SORL1: variants seen among roughly 807,000 people sequenced by gnomAD.
SORL1 encodes sortilin-related receptor.
A neutral mutation model predicts 273.7 loss-of-function variants in SORL1; 127 were observed. That is an observed-to-expected ratio of 0.46 (90% CI 0.40 to 0.54). SORL1 has a LOEUF of 0.54. SORL1 is among the 20% of genes least tolerant of loss of function. The pLI is 0.00. For missense variants in SORL1, 2,494 were observed against 2,846.1 expected (o/e 0.88, Z 2.81); for synonymous variants, 1,031 against 1,067.4 (o/e 0.97, Z 0.66).
intron 12 of SORL1, 62 bp from the exon 13 acceptor site, chr11:121,543,486 G>A: frequency 7.1e-7 from 1 of 1,412,920 alleles, no homozygotes; most frequent in Non-Finnish European, 9.8e-7. Flanking sequence ...ATGTTATATG[G>A]AAACCAAGCC....
intron 11 of SORL1, among the ~76,000 whole-genome samples, chr11:121,528,006 T>C (rs1412446048): frequency 6.6e-6 from 1 of 152,208 alleles, no homozygotes; most frequent in Non-Finnish European, 1.5e-5. Flanking sequence ...TTGTTCTTTT[T>C]GTAGCTTATT....
In SORL1 at chr11:121,543,677, G is replaced by C. The variant is rs866192032; in HGVS notation, c.1815G>C (p.Glu605Asp). The change falls in exon 13 of 48, where the codon GAG becomes GAC. Residue 605 changes from glutamate (E) to aspartate (D), a missense_variant. Physicochemically the swap from Glu to Asp is conservative, Grantham distance 45. Around this residue, in one of 3 missense-constraint regions of SORL1, gnomAD observed 710 missense variants for 882.5 expected, o/e 0.80. Transcript: ENST00000260197. Reference sequence around the variant, plus strand: ...TCACCATCTTTGGCTCGAACAAAGAGAATGTCCACAGCTGGCTGATCCTCC... The same window carrying C: ...TCACCATCTTTGGCTCGAACAAAGACAATGTCCACAGCTGGCTGATCCTCC... ...TVFTIFGSNK[E>D]NVHSWLILQV... The C allele has an allele frequency of 6.8e-6, 11 of 1,614,126 alleles. No individual in the cohort carries two copies. Among genetic ancestry groups the C allele is most frequent in the Non-Finnish European group, 9.3e-6 (11 of 1,180,000 alleles).
chr11:121,510,203 G>C (rs1424050984), intron 6 of SORL1, among the ~76,000 whole-genome samples: 1 of 150,944 alleles, frequency 6.6e-6, no homozygotes, highest in African/African-American at 2.5e-5. Flanking sequence ...AAAAAGTTAA[G>C]TAATACAACA....
intron 12 of SORL1, 150 bp from the exon 13 acceptor site, chr11:121,543,398 A>G: frequency 1.6e-6 from 1 of 625,282 alleles, no homozygotes; most frequent in Non-Finnish European, 2.8e-6. Context: ...TTTATTTCTG[A>G]GCATTTCCTT....
intron 23 of SORL1, among the ~76,000 whole-genome samples, chr11:121,570,535 C>T (rs545357669): frequency 1.3e-5 from 2 of 152,324 alleles, no homozygotes; most frequent in East Asian, 3.9e-4. Context: ...ATAAACGTCA[C>T]ATGGCTGAAA....
intron 12 of SORL1, among the ~76,000 whole-genome samples, chr11:121,537,565 G>C (rs1288468887): frequency 6.6e-6 from 1 of 152,200 alleles, no homozygotes; most frequent in Non-Finnish European, 1.5e-5. Flanking sequence ...AAGGGGCGAT[G>C]TCCAGCAGGA....
chr11:121,604,753 G>A (rs902995143), intron 33 of SORL1, among the ~76,000 whole-genome samples: 1 of 152,132 alleles, frequency 6.6e-6, no homozygotes, highest in South Asian at 2.1e-4. Context: ...GAAATTCGAG[G>A]GAAAATATCA....
rs141639402 is a variant in SORL1 at position 121,605,531 on chromosome 11, C to T, written c.4908C>T (p.His1636=). 2.5e-6 allele frequency: 4 copies of T among 1,614,020 alleles called. No individual in the cohort carries two copies. In the African/African-American group the frequency reaches 5.3e-5, roughly 22 times the overall value. Residue 1636 remains histidine (H), a synonymous_variant, in exon 35 of 48, where the codon CAC becomes CAT. Coordinates refer to ENST00000260197, the MANE Select transcript of SORL1 (RefSeq NM_003105.6). ...AGGTTCAGTGTCTCAGCAAGGCACACAACACCAATGACTTTGTGACCCTGA... is the reference window on the plus strand; with the variant it reads ...AGGTTCAGTGTCTCAGCAAGGCACATAACACCAATGACTTTGTGACCCTGA... ...KVQVQCLSKA[H]NTNDFVTLRT...
chr11:121,621,504 A>C (rs1005590855), intron 44 of SORL1, among the ~76,000 whole-genome samples: 1 of 152,164 alleles, frequency 6.6e-6, no homozygotes, highest in Non-Finnish European at 1.5e-5. Context: ...TTTTGATATT[A>C]CTAAAGGAAA....
chr11:121,492,416 A>G (rs1388088188), intron 5 of SORL1, among the ~76,000 whole-genome samples: 1 of 152,160 alleles, frequency 6.6e-6, no homozygotes, highest in Non-Finnish European at 1.5e-5. Context: ...TGAATGAATA[A>G]AAATAAAATT....
At chr11:121,585,261 A>G (rs1326579332) in intron 26 of SORL1, among the ~76,000 whole-genome samples, 1 of 152,142 alleles carries the variant, frequency 6.6e-6, no homozygotes. Flanking sequence ...AGGCGGGAGG[A>G]TGGCTTGAGC....
chr11:121,562,659 G>T (rs958614834), intron 21 of SORL1, among the ~76,000 whole-genome samples: 2 of 152,072 alleles, frequency 1.3e-5, no homozygotes, highest in African/African-American at 4.8e-5. Flanking sequence ...ACTTCATGAT[G>T]ACCCTACACC....
chr11:121,490,178 G>T, intron 5 of SORL1, 68 bp downstream of exon 5: 1 of 1,055,718 alleles, frequency 9.5e-7, no homozygotes, highest in South Asian at 1.3e-5. Flanking sequence ...CTCCTTCTTG[G>T]TGGACAAACT....
Position 121,558,592 on chromosome 11 carries a change from G to T in SORL1, c.2665G>T (p.Val889Leu), listed in dbSNP as rs749966000. The T allele has an allele frequency of 1.2e-6, 2 of 1,614,118 alleles. No homozygotes were observed. Among genetic ancestry groups the T allele is most frequent in the East Asian group, 2.2e-5 (1 of 44,890 alleles). ...GTGTTCTGTCCCCATTTTCGCTAGG[G>T]TGATGTTCTGGACAGACTGGGGAGA... ...RALVLVPQEG[V>L]MFWTDWGDLK... The change falls in exon 20 of 48, where the codon GTG becomes TTG. Residue 889 changes from valine to leucine, a missense_variant and splice_region_variant. By Grantham distance (32) the Val-to-Leu change is conservative. Around this residue, in one of 3 missense-constraint regions of SORL1, gnomAD observed 1,609 missense variants for 1,816.4 expected, o/e 0.89. Transcript: ENST00000260197.
rs1010996165 is a variant in SORL1 at position 121,595,530 on chromosome 11, A to G, written c.4370-93A>G. 1.0e-5 allele frequency: 12 copies of G among 1,150,686 alleles called. No homozygotes were observed. The highest frequency in any genetic ancestry group is 4.2e-4 in the Middle Eastern group (2 of 4,764). The allele number at this position is 1,150,686 out of a possible 1,614,324, so 71.3% of individuals were successfully genotyped here. A position where few individuals can be genotyped will look rare whatever the true frequency, so the allele number is the denominator to read the frequency against. ...CTTCAGGTTCCCATTGTAATTTCTA[A>G]AGCACCGTAATCTCCTAGCATATTG... On this transcript the variant is annotated intron_variant, in intron 31 of 47. Transcript: ENST00000260197. This position sits in a 1 kb window ranked among gnomAD's most constrained non-coding sequence, Gnocchi z 5.1.
chr11:121,513,245 A>C (rs1861904589), intron 7 of SORL1, 141 bp downstream of exon 7: 2 of 684,490 alleles, frequency 2.9e-6, no homozygotes, highest in African/African-American at 3.5e-5. Context: ...GAGTGCAGCT[A>C]TGCTTTGGGC....
At chr11:121,500,657 G>A (rs1861696592) in intron 6 of SORL1, among the ~76,000 whole-genome samples, 1 of 152,178 alleles carries the variant, frequency 6.6e-6, no homozygotes, top group Non-Finnish European at 1.5e-5. Flanking sequence ...TGTAGTTGCT[G>A]ACTATGCTGA....
At chr11:121,509,546 G>C (rs753519616) in intron 6 of SORL1, among the ~76,000 whole-genome samples, 10 of 152,010 alleles carry the variant, frequency 6.6e-5, no homozygotes, top group Non-Finnish European at 1.2e-4. Flanking sequence ...GCATGATCTC[G>C]GCTCACCGCA....
At chr11:121,597,592 G>A (rs1325778196) in intron 32 of SORL1, among the ~76,000 whole-genome samples, 1 of 152,068 alleles carries the variant, frequency 6.6e-6, no homozygotes, top group African/African-American at 2.4e-5. Context: ...CTCCCGAGTA[G>A]CTGGGACGAC....
Sources: allele counts gnomAD v4.1 joint callset (sites outside exome capture counted in the v4.1 genomes callset), GRCh38; gene constraint gnomAD v4.1.1; regional missense constraint gnomAD v4.1.1; non-coding constraint Gnocchi (gnomAD v3.1); transcripts MANE v1.5; gene names NCBI Gene and HGNC (gene_info 2026-07-23, HGNC 2026-07-21).